The following ENTREP2 variants were observed in gnomAD, a reference collection of about 807,000 sequenced individuals.
ENTREP2 encodes the protein endosomal transmembrane epsin interactor 2, also known as protein ENTREP2.
chr15:29,674,251 T>C, the ENTREP2 span, among the ~76,000 whole-genome samples: 1 of 151,714 alleles, frequency 6.6e-6, no homozygotes, highest in Non-Finnish European at 1.5e-5. Context: ...TGCTGCCTGA[T>C]GGGCAGAGTT....
the ENTREP2 span, among the ~76,000 whole-genome samples, chr15:29,616,250 T>C: frequency 1.3e-5 from 2 of 152,172 alleles, no homozygotes; most frequent in African/African-American, 2.4e-5. Flanking sequence ...AGGCAGACCT[T>C]TGGACAAACC....
the ENTREP2 span, among the ~76,000 whole-genome samples, chr15:29,674,128 TG>T: frequency 0.26 from 11,861 of 45,964 alleles, 1,555 homozygotes; most frequent in Middle Eastern, 0.5. Flanking sequence ...CTGCAGAGGA[TG>T]GGGGGGGGGG....
the ENTREP2 span, among the ~76,000 whole-genome samples, chr15:29,472,762 G>T: frequency 6.6e-6 from 1 of 152,056 alleles, no homozygotes; most frequent in African/African-American, 2.4e-5. Flanking sequence ...ACTGCACCCG[G>T]CCTATAATCA....
chr15:29,648,782 A>C, the ENTREP2 span, among the ~76,000 whole-genome samples: 1 of 152,140 alleles, frequency 6.6e-6, no homozygotes, highest in Non-Finnish European at 1.5e-5. Flanking sequence ...TACTAAAAAT[A>C]CAAAAAATTA....
At chr15:29,657,483 CGGGGGGGGG>C in the ENTREP2 span, among the ~76,000 whole-genome samples, 2 of 69,434 alleles carry the variant, frequency 2.9e-5, no homozygotes, top group South Asian at 1.1e-3. Context: ...GCTGGGGGGG[CGGGGGGGGG>C]GGGTGGCCAG....
At chr15:29,209,440 T>G in the ENTREP2 span, among the ~76,000 whole-genome samples, 16 of 152,264 alleles carry the variant, frequency 1.1e-4, no homozygotes, top group Middle Eastern at 3.4e-3. Context: ...AGTGAGAGGT[T>G]GCTGTGGGCC....
At chr15:29,301,712 A>G in the ENTREP2 span, among the ~76,000 whole-genome samples, 1 of 152,150 alleles carries the variant, frequency 6.6e-6, no homozygotes, top group Non-Finnish European at 1.5e-5. Flanking sequence ...ATAGAAACCT[A>G]ATTCCCAGTG....
At chr15:29,159,418 C>T in the ENTREP2 span, among the ~76,000 whole-genome samples, 59 of 152,238 alleles carry the variant, frequency 3.9e-4, no homozygotes, top group African/African-American at 1.3e-3. Flanking sequence ...AATAACAAAG[C>T]TTCCACAGCA....
the ENTREP2 span, among the ~76,000 whole-genome samples, chr15:29,532,847 T>C: frequency 1.3e-5 from 2 of 152,282 alleles, no homozygotes; most frequent in African/African-American, 2.4e-5. Flanking sequence ...TTATGAAACA[T>C]ACAAATTTCA....
chr15:29,549,682 T>C, the ENTREP2 span, among the ~76,000 whole-genome samples: 1 of 152,204 alleles, frequency 6.6e-6, no homozygotes, highest in South Asian at 2.1e-4. Flanking sequence ...CTTCTTCACC[T>C]TCTGCTCTGC....
At chr15:29,228,594 A>C in the ENTREP2 span, among the ~76,000 whole-genome samples, 1,466 of 152,324 alleles carry the variant, frequency 9.6e-3, 31 homozygotes, top group African/African-American at 0.034. Context: ...TTAATTTAGT[A>C]AACTTTATAC....
the ENTREP2 span, among the ~76,000 whole-genome samples, chr15:29,163,919 G>A: frequency 6.6e-6 from 1 of 152,156 alleles, no homozygotes; most frequent in Non-Finnish European, 1.5e-5. Context: ...TGAGACAGAA[G>A]CACCAGGTAA....
the ENTREP2 span, among the ~76,000 whole-genome samples, chr15:29,251,902 G>C: frequency 5.3e-5 from 8 of 152,060 alleles, no homozygotes; most frequent in Non-Finnish European, 1.2e-4. Flanking sequence ...CAATTTTCCT[G>C]GATCTGAAAG....
At chr15:29,641,306 C>T in the ENTREP2 span, among the ~76,000 whole-genome samples, 2 of 151,964 alleles carry the variant, frequency 1.3e-5, no homozygotes, top group Non-Finnish European at 2.9e-5. Flanking sequence ...AAGTTCTAGC[C>T]AGCGAAATTA....
chr15:29,467,079 C>T, the ENTREP2 span, among the ~76,000 whole-genome samples: 4 of 151,420 alleles, frequency 2.6e-5, no homozygotes, highest in Non-Finnish European at 5.9e-5. Context: ...GCTGATGGCC[C>T]CAGGGGAGGG....
the ENTREP2 span, among the ~76,000 whole-genome samples, chr15:29,340,584 G>T: frequency 1.3e-5 from 2 of 152,168 alleles, no homozygotes; most frequent in Admixed American, 6.5e-5. Flanking sequence ...AACAAGAGCT[G>T]TTCTAATAAT....
the ENTREP2 span, among the ~76,000 whole-genome samples, chr15:29,309,036 T>A: frequency 1.8e-4 from 27 of 152,160 alleles, no homozygotes; most frequent in Admixed American, 8.5e-4. Flanking sequence ...GGGTCTTCAT[T>A]TCCTTATGAG....
At chr15:29,579,780 G>T in the ENTREP2 span, among the ~76,000 whole-genome samples, 1 of 136,664 alleles carries the variant, frequency 7.3e-6, no homozygotes, top group African/African-American at 2.8e-5. Flanking sequence ...GCGCGATCTC[G>T]GCTCACTGCA....
At chr15:29,573,945 T>C in the ENTREP2 span, among the ~76,000 whole-genome samples, 1 of 152,026 alleles carries the variant, frequency 6.6e-6, no homozygotes, top group South Asian at 2.1e-4. Context: ...TTTGGAGATA[T>C]AAATAGGGAG....
Sources: gnomAD v4.1 joint callset for allele counts (sites outside exome capture counted in the v4.1 genomes callset) on GRCh38, gnomAD v4.1.1 for gene constraint, MANE v1.5 for transcripts, NCBI Gene and HGNC (gene_info 2026-07-23, HGNC 2026-07-21) for gene names.